Variants in AVL9 observed in about 807,000 individuals in gnomAD.
AVL9 encodes the protein AVL9 cell migration associated.
In AVL9, 49 loss-of-function variants were observed where a neutral mutation model predicts 79.2. The ratio of observed to expected loss-of-function variants is 0.62; its 90% CI spans 0.49 to 0.79. The LOEUF is 0.79. Ranked by LOEUF, AVL9 falls within the 30% of genes least tolerant of loss-of-function variation. The probability of loss-of-function intolerance (pLI) is 0.00; values close to 1 mark genes in which losing one functional copy is unlikely to be tolerated. For missense variants in AVL9, 682 were observed against 776.8 expected, an observed-to-expected ratio of 0.88 and a Z score of 1.45; for synonymous variants, 299 against 280.6, an observed-to-expected ratio of 1.07 and a Z score of -0.65.
chr7:32,563,454 C>G (rs1049454064), intron 10 of AVL9, among the ~76,000 whole-genome samples: 1 of 150,370 alleles, frequency 6.7e-6, no homozygotes, highest in African/African-American at 2.5e-5. Context: ...TATTTTTAAT[C>G]CAAGGTTGGT....
At chr7:32,497,233 T>C (rs1002968489) in intron 1 of AVL9, among the ~76,000 whole-genome samples, 22 of 152,224 alleles carry the variant, frequency 1.4e-4, no homozygotes, top group African/African-American at 3.9e-4. Flanking sequence ...CACATGCCTG[T>C]GATCCCAGCT....
chr7:32,582,750 C>T (rs1188193448), intron 15 of AVL9, among the ~76,000 whole-genome samples: 2 of 152,058 alleles, frequency 1.3e-5, no homozygotes, highest in African/African-American at 4.8e-5. Context: ...CAATATGGTG[C>T]GATCTTGGCT....
chr7:32,542,992 C>A, intron 1 of AVL9, 149 bp from the exon 2 acceptor site: 2 of 943,052 alleles, frequency 2.1e-6, no homozygotes, highest in South Asian at 1.7e-5. Context: ...CTCTTCCATG[C>A]CATAGGTTTG....
chr7:32,525,023 C>G (rs1344827188), intron 1 of AVL9, among the ~76,000 whole-genome samples: 4 of 152,168 alleles, frequency 2.6e-5, no homozygotes, highest in Non-Finnish European at 2.9e-5. Context: ...AGGACTGTTT[C>G]TAACTGTATG....
chr7:32,573,436 GCCTACAGCTA>G lies in AVL9; in HGVS notation c.1570+22_1570+31del. Reference sequence around the variant, plus strand: ...GCAATTAGGTAAGAAACCACACGGAGCCTACAGCTACCTGTTTTATTATAATTTTTCATTT... The same window carrying G: ...GCAATTAGGTAAGAAACCACACGGAGCCTGTTTTATTATAATTTTTCATTT... On this transcript the variant is annotated intron_variant, in intron 12 of 15. Transcript: ENST00000318709. 6.3e-7 allele frequency: 1 copy of G among 1,589,942 alleles called. No individual in the cohort carries two copies. The highest frequency in any genetic ancestry group is 8.6e-7 in the Non-Finnish European group (1 of 1,159,186).
chr7:32,499,013 A>T (rs1395345247), intron 1 of AVL9, among the ~76,000 whole-genome samples: 3 of 20,936 alleles, frequency 1.4e-4, no homozygotes, highest in Non-Finnish European at 9.2e-5. Flanking sequence ...AAAATACAAA[A>T]TTAGCTGCGC....
chr7:32,557,851 CTCTTTT>C (rs1790135810), intron 8 of AVL9, among the ~76,000 whole-genome samples: 1 of 64,202 alleles, frequency 1.6e-5, no homozygotes, highest in Non-Finnish European at 3.2e-5. Context: ...TTAGCTGTTA[CTCTTTT>C]TTTTTTTTTT....
At chr7:32,554,535 A>G in intron 7 of AVL9, 23 bp from the exon 8 acceptor site, 1 of 1,489,630 alleles carries the variant, frequency 6.7e-7, no homozygotes, top group Non-Finnish European at 9.2e-7. Context: ...ATTTCAATAC[A>G]ACATTTTTTT....
chr7:32,526,166 C>A (rs1027739435), intron 1 of AVL9, among the ~76,000 whole-genome samples: 1 of 152,118 alleles, frequency 6.6e-6, no homozygotes, highest in South Asian at 2.1e-4. Flanking sequence ...TCTCCAGGGA[C>A]CCCTTTTTAC....
At chr7:32,565,180 A>G (rs1337214885) in intron 10 of AVL9, among the ~76,000 whole-genome samples, 3 of 152,098 alleles carry the variant, frequency 2.0e-5, no homozygotes, top group Non-Finnish European at 4.4e-5. Context: ...TCATGCATCA[A>G]TTTTCTCCCT....
intron 1 of AVL9, among the ~76,000 whole-genome samples, chr7:32,514,591 C>T (rs920515267): frequency 6.6e-6 from 1 of 152,108 alleles, no homozygotes. Context: ...TGTAAATGGC[C>T]GGTCCTTGCC....
chr7:32,568,354 C>T (rs1790678705), intron 10 of AVL9, among the ~76,000 whole-genome samples: 1 of 151,900 alleles, frequency 6.6e-6, no homozygotes, highest in Non-Finnish European at 1.5e-5. Flanking sequence ...GTGCCCGCCA[C>T]CATGCCTGGC....
intron 1 of AVL9, among the ~76,000 whole-genome samples, chr7:32,510,704 T>G (rs1280460212): frequency 7.7e-6 from 1 of 130,018 alleles, no homozygotes; most frequent in Non-Finnish European, 1.7e-5. Flanking sequence ...TCTACAGTCC[T>G]GGCACTTCTG....
intron 1 of AVL9, among the ~76,000 whole-genome samples, chr7:32,541,429 T>C (rs1426714627): frequency 2.0e-5 from 3 of 152,148 alleles, no homozygotes; most frequent in Non-Finnish European, 4.4e-5. Flanking sequence ...ATACTATATA[T>C]GGGACTTTGG....
chr7:32,554,714 T>C (rs112329877), intron 8 of AVL9, 118 bp downstream of exon 8: 2 of 621,196 alleles, frequency 3.2e-6, no homozygotes, highest in African/African-American at 1.9e-5. Context: ...TTGCCTATCA[T>C]TGTGGTAAGC....
chr7:32,547,292 A>T (rs1257295562), intron 3 of AVL9, among the ~76,000 whole-genome samples: 1 of 152,194 alleles, frequency 6.6e-6, no homozygotes, highest in Non-Finnish European at 1.5e-5. Flanking sequence ...TTTGCATATT[A>T]TCTTAGTGCT....
rs1289985053 is a variant in AVL9 at position 32,584,673 on chromosome 7, A to G, written c.*766A>G. 2 of 150,910 alleles carry G rather than the reference A, an allele frequency of 1.3e-5. No individual in the cohort carries two copies. Among genetic ancestry groups the G allele is most frequent in the Non-Finnish European group, 2.9e-5 (2 of 67,952 alleles). The allele number at this position is 150,910 out of a possible 1,614,324, so 9.3% of individuals were successfully genotyped here. The stretch of plus-strand genomic sequence containing the variant: ...TGTGTCTGTAGGGCAATACTTTCAA[A>G]GAAGACCTATGTGTTTATTTTTCAA... On this transcript the variant is annotated 3_prime_UTR_variant, in exon 16 of 16. Coordinates refer to ENST00000318709, the MANE Select transcript of AVL9 (RefSeq NM_015060.3).
At chr7:32,506,717 G>A (rs540357969) in intron 1 of AVL9, among the ~76,000 whole-genome samples, 1 of 151,078 alleles carries the variant, frequency 6.6e-6, no homozygotes, top group South Asian at 2.1e-4. Flanking sequence ...TTTGAGACCA[G>A]CCTGGACAAC....
At chr7:32,500,675 T>C (rs1276404622) in intron 1 of AVL9, among the ~76,000 whole-genome samples, 1 of 152,220 alleles carries the variant, frequency 6.6e-6, no homozygotes. Context: ...AGTTACGAAG[T>C]CTTTGCCATG....
Sources: allele counts gnomAD v4.1 joint callset (sites outside exome capture counted in the v4.1 genomes callset), GRCh38; gene constraint gnomAD v4.1.1; transcripts MANE v1.5; gene names NCBI Gene and HGNC (gene_info 2026-07-23, HGNC 2026-07-21).